CFAP20DC: variants seen among roughly 807,000 people sequenced by gnomAD.
CFAP20DC encodes the protein CFAP20 domain containing, also known as protein CFAP20DC.
A neutral mutation model predicts 101.7 loss-of-function variants in CFAP20DC; 84 were observed. The ratio of observed to expected loss-of-function variants is 0.83; its 90% CI spans 0.69 to 0.99. The LOEUF is 0.99. CFAP20DC is among the 50% of genes least tolerant of loss of function. CFAP20DC has a pLI of 0.00. For missense variants in CFAP20DC, 1,007 were observed against 970.3 expected, an observed-to-expected ratio of 1.04 and a Z score of -0.50; for synonymous variants, 359 against 351.2, an observed-to-expected ratio of 1.02 and a Z score of -0.25.
chr3:58,742,668 G>T, intron 16 of CFAP20DC, 96 bp from the exon 17 acceptor site: 1 of 789,132 alleles, frequency 1.3e-6, no homozygotes, highest in Non-Finnish European at 2.0e-6. Context: ...CTCTCCTGGG[G>T]GATTTTCTTT....
At chr3:58,872,043 T>C (rs1256986959) in intron 7 of CFAP20DC, among the ~76,000 whole-genome samples, 1 of 152,186 alleles carries the variant, frequency 6.6e-6, no homozygotes, top group Non-Finnish European at 1.5e-5. Context: ...CTGATTGGAC[T>C]ACAACTGAGG....
chr3:58,818,489 T>A (rs1442304869), intron 14 of CFAP20DC, among the ~76,000 whole-genome samples: 3 of 151,460 alleles, frequency 2.0e-5, no homozygotes, highest in Non-Finnish European at 4.4e-5. Flanking sequence ...GGGGTTGCAA[T>A]CCTAGTCTCT....
Position 58,874,648 on chromosome 3 carries a change from T to C in CFAP20DC, c.716-4339A>G, listed in dbSNP as rs1272964033. On this transcript the variant is annotated intron_variant, in intron 7 of 16. Coordinates refer to ENST00000482387, the MANE Select transcript of CFAP20DC (RefSeq NM_001394063.1). This position sits in a 1 kb window ranked among gnomAD's most constrained non-coding sequence, Gnocchi z 5.1. ...AGGCTTTTCCTTTCCCTCTTGACCT[T>C]TATGCCTCAGTTCACATATCATTTC... is the stretch of plus-strand genomic sequence containing the variant. Among the ~76,000 whole-genome samples, 1 of 152,196 alleles carries C rather than the reference T, an allele frequency of 6.6e-6. No individual in the cohort carries two copies. The highest frequency in any genetic ancestry group is 1.9e-4 in the East Asian group (1 of 5,200).
chr3:58,754,745 ACAG>A (rs1381203368), intron 15 of CFAP20DC, among the ~76,000 whole-genome samples: 1 of 152,216 alleles, frequency 6.6e-6, no homozygotes, highest in Non-Finnish European at 1.5e-5. Context: ...GTTCTAGACA[ACAG>A]CTAAGAGCAC....
Position 58,785,989 on chromosome 3 carries a change from CT to C in CFAP20DC, c.2237+20405del, listed in dbSNP as rs1429810930. On this transcript the variant is annotated intron_variant, in intron 15 of 16. Coordinates refer to ENST00000482387, the MANE Select transcript of CFAP20DC (RefSeq NM_001394063.1). The stretch of plus-strand genomic sequence containing the variant: ...TCTGGCCCTTGAAAGCCAAAAACTG[CT>C]TACATTTGTCCTGTTGTTTCTCCAC... 6.6e-5 allele frequency among the ~76,000 whole-genome samples: 10 copies of C among 152,250 alleles called. No individual in the cohort carries two copies. The East Asian group carries it at 1.7e-3, about 26-fold the overall frequency.
chr3:58,840,178 T>C (rs1190879847), intron 13 of CFAP20DC, among the ~76,000 whole-genome samples: 5 of 152,168 alleles, frequency 3.3e-5, no homozygotes, highest in Admixed American at 6.5e-5. Flanking sequence ...CAGCAGTGCA[T>C]TGACAGATAA....
chr3:58,956,591 C>T (rs540675490), intron 4 of CFAP20DC, among the ~76,000 whole-genome samples: 4 of 152,240 alleles, frequency 2.6e-5, no homozygotes, highest in African/African-American at 9.6e-5. Context: ...TGGACTGGCA[C>T]AGAACATGGA....
At chr3:58,843,092 A>G (rs926564321) in intron 13 of CFAP20DC, among the ~76,000 whole-genome samples, 5 of 152,222 alleles carry the variant, frequency 3.3e-5, no homozygotes, top group African/African-American at 1.2e-4. Flanking sequence ...TGGAAACTCT[A>G]AAACGCAGAG....
At chr3:58,823,573 T>C (rs542940163) in intron 14 of CFAP20DC, among the ~76,000 whole-genome samples, 6 of 152,200 alleles carry the variant, frequency 3.9e-5, no homozygotes, top group South Asian at 4.1e-4. Flanking sequence ...GAAGAGGAAA[T>C]TGACACTGGG....
chr3:58,815,315 C>T (rs1291411107), intron 14 of CFAP20DC, among the ~76,000 whole-genome samples: 2 of 148,588 alleles, frequency 1.3e-5, no homozygotes, highest in Admixed American at 1.3e-4. Flanking sequence ...ATGTAGAAAG[C>T]TGAAACTGGA....
intron 13 of CFAP20DC, among the ~76,000 whole-genome samples, chr3:58,843,027 A>G (rs2077283532): frequency 6.6e-6 from 1 of 152,218 alleles, no homozygotes; most frequent in Non-Finnish European, 1.5e-5. Flanking sequence ...CACCATCGTC[A>G]AAGACCAAAA....
intron 15 of CFAP20DC, among the ~76,000 whole-genome samples, chr3:58,801,065 G>GAGAGAGAGAA (rs2073662991): frequency 6.6e-6 from 1 of 151,918 alleles, no homozygotes; most frequent in African/African-American, 2.4e-5. Flanking sequence ...GAGAGAGAGA[G>GAGAGAGAGAA]AGAGAGAGAA....
intron 14 of CFAP20DC, among the ~76,000 whole-genome samples, chr3:58,810,344 G>C (rs1416275238): frequency 6.6e-6 from 1 of 151,684 alleles, no homozygotes; most frequent in Non-Finnish European, 1.5e-5. Flanking sequence ...ATATCAAAAA[G>C]CTTATCCACC....
chr3:58,935,036 C>T (rs928400722), intron 5 of CFAP20DC, among the ~76,000 whole-genome samples: 7 of 152,080 alleles, frequency 4.6e-5, no homozygotes, highest in Admixed American at 6.5e-5. Context: ...ATTGTCTCAG[C>T]CCAAAATCTC....
rs549293432 is a variant in CFAP20DC, at chr3:59,049,672, G to C, written c.-41C>G. On this transcript the variant is annotated 5_prime_UTR_variant, in exon 1 of 17. Coordinates refer to ENST00000482387, the MANE Select transcript of CFAP20DC (RefSeq NM_001394063.1). Reference sequence around the variant, plus strand: ...AGGGCTTGGGGGGCACAGAGTTCAGGGTTTCCAGCGAGTGGCGTGACCCTG... The same window carrying C: ...AGGGCTTGGGGGGCACAGAGTTCAGCGTTTCCAGCGAGTGGCGTGACCCTG... The C allele has an allele frequency of 3.1e-5, 47 of 1,533,886 alleles. No homozygotes were observed. In the East Asian group the frequency reaches 9.5e-4, roughly 31 times the overall value.
Position 58,798,675 on chromosome 3 carries a change from G to A in CFAP20DC, c.2237+7720C>T, listed in dbSNP as rs1002010531. ...TCAAACAGCATTGCATGCCACAGAG[G>A]AGTCTTTCACGAAAGGAAGAGTCCA... On this transcript the variant is annotated intron_variant, in intron 15 of 16. Coordinates refer to ENST00000482387, the MANE Select transcript of CFAP20DC (RefSeq NM_001394063.1). Among the ~76,000 whole-genome samples the A allele has an allele frequency of 2.6e-5, 4 of 152,308 alleles. No individual in the cohort carries two copies. In the South Asian group the frequency reaches 8.3e-4, roughly 32 times the overall value.
chr3:58,979,744 C>T (rs1444718096), intron 4 of CFAP20DC, among the ~76,000 whole-genome samples: 2 of 151,950 alleles, frequency 1.3e-5, no homozygotes, highest in Non-Finnish European at 2.9e-5. Context: ...ATTTTCTGAA[C>T]CATATTATAT....
intron 14 of CFAP20DC, among the ~76,000 whole-genome samples, chr3:58,809,414 A>C (rs1247765331): frequency 1.3e-5 from 2 of 152,200 alleles, no homozygotes; most frequent in Non-Finnish European, 2.9e-5. Flanking sequence ...AAAACCGCTC[A>C]ACTACATGGA....
rs1040621200 is a variant in CFAP20DC, at chr3:58,913,130, T to C, written c.550+578A>G. Among the ~76,000 whole-genome samples the C allele has an allele frequency of 1.1e-4, 16 of 152,232 alleles. No homozygotes were observed. Among genetic ancestry groups the C allele is most frequent in the African/African-American group, 3.6e-4 (15 of 41,552 alleles). On this transcript the variant is annotated intron_variant, in intron 6 of 16. Coordinates refer to ENST00000482387, the MANE Select transcript of CFAP20DC (RefSeq NM_001394063.1). This position sits in a 1 kb window ranked among gnomAD's most constrained non-coding sequence, Gnocchi z 4.4. ...TGAAGAAAAATATATCTACTTCTGA[T>C]AAGGGTGGCAGGGAAGAAAACATCC...
Sources: gnomAD v4.1 joint callset for allele counts (sites outside exome capture counted in the v4.1 genomes callset) on GRCh38, gnomAD v4.1.1 for gene constraint, Gnocchi (gnomAD v3.1) non-coding constraint, MANE v1.5 for transcripts, NCBI Gene and HGNC (gene_info 2026-07-23, HGNC 2026-07-21) for gene names.